FARP1: variants seen among roughly 807,000 people sequenced by gnomAD.
FARP1 encodes FERM, ARH/RhoGEF and pleckstrin domain protein 1, also known as FERM, ARHGEF and pleckstrin domain-containing protein 1.
Under a neutral mutation model 128.8 loss-of-function variants are expected in FARP1, and 52 were observed. The ratio of observed to expected loss-of-function variants is 0.40; its 90% CI spans 0.32 to 0.51. The LOEUF (loss-of-function observed/expected upper bound fraction) is 0.51, where lower values mean the gene tolerates loss of function less well. Ranked by LOEUF, FARP1 falls within the 20% of genes least tolerant of loss-of-function variation. FARP1 has a pLI of 0.45. For missense variants in FARP1, 1,333 were observed against 1,367.9 expected (o/e 0.97, Z 0.40); for synonymous variants, 580 against 551.8 (o/e 1.05, Z -0.72).
intron 1 of FARP1, among the ~76,000 whole-genome samples, chr13:98,164,175 C>T (rs530534632): frequency 5.9e-5 from 9 of 152,242 alleles, no homozygotes; most frequent in South Asian, 2.1e-4. Flanking sequence ...GTGCAGGAAA[C>T]GAAGGACAGA....
At chr13:98,445,865 T>TTG in intron 24 of FARP1, 1 of 431,172 alleles carries the variant, frequency 2.3e-6, no homozygotes, top group Non-Finnish European at 4.2e-6. Context: ...ACGTGTCTTT[T>TTG]GGGGGGACAC....
intron 5 of FARP1, among the ~76,000 whole-genome samples, chr13:98,369,476 T>C (rs944786747): frequency 6.6e-6 from 1 of 151,960 alleles, no homozygotes; most frequent in African/African-American, 2.4e-5. Context: ...TAACTCCTCA[T>C]TTAGCATTAG....
intron 2 of FARP1, chr13:98,333,812 C>T (rs1280210324): frequency 6.6e-6 from 1 of 151,944 alleles, no homozygotes; most frequent in Non-Finnish European, 1.5e-5. Context: ...AGAATGAAAG[C>T]CTTGTTCCAG....
At chr13:98,185,605 A>G (rs566542410) in intron 1 of FARP1, among the ~76,000 whole-genome samples, 5 of 150,934 alleles carry the variant, frequency 3.3e-5, no homozygotes, top group African/African-American at 1.2e-4. Flanking sequence ...TCCTTTAGAA[A>G]CCTTTTAACA....
At chr13:98,251,982 G>A (rs1382028041) in intron 2 of FARP1, among the ~76,000 whole-genome samples, 1 of 151,692 alleles carries the variant, frequency 6.6e-6, no homozygotes, top group Non-Finnish European at 1.5e-5. Flanking sequence ...TGAAGAGCTG[G>A]GATTGCAGGA....
intron 26 of FARP1, chr13:98,448,023 C>A (rs1892963410): frequency 1.7e-6 from 1 of 586,528 alleles, no homozygotes; most frequent in Non-Finnish European, 3.1e-6. Context: ...CAAGGTACTT[C>A]CAGCTCCACA....
chr13:98,313,207 C>G (rs1886561714), intron 2 of FARP1, among the ~76,000 whole-genome samples: 1 of 145,362 alleles, frequency 6.9e-6, no homozygotes, highest in African/African-American at 2.6e-5. Context: ...ATAATACACA[C>G]ACACACATAC....
At chr13:98,364,978 C>T (rs946195987) in intron 3 of FARP1, among the ~76,000 whole-genome samples, 8 of 152,284 alleles carry the variant, frequency 5.3e-5, no homozygotes, top group African/African-American at 1.2e-4. Flanking sequence ...ATTCCCTTTC[C>T]GCATCCCTCA....
At chr13:98,193,633 G>C (rs191801171) in intron 1 of FARP1, among the ~76,000 whole-genome samples, 9 of 152,242 alleles carry the variant, frequency 5.9e-5, no homozygotes, top group Admixed American at 5.9e-4. Context: ...AACTCTTTGG[G>C]CACATTCTTC....
intron 2 of FARP1, among the ~76,000 whole-genome samples, chr13:98,253,675 A>G (rs1210147205): frequency 6.6e-6 from 1 of 152,218 alleles, no homozygotes; most frequent in Admixed American, 6.5e-5. Flanking sequence ...CCAAGGTCGC[A>G]CCGCTAAGTC....
At chr13:98,370,568 G>T (rs1889283248) in intron 5 of FARP1, among the ~76,000 whole-genome samples, 1 of 140,726 alleles carries the variant, frequency 7.1e-6, no homozygotes, top group Non-Finnish European at 1.5e-5. Flanking sequence ...TTTTTGGCTT[G>T]AGTGACTGGG....
intron 2 of FARP1, among the ~76,000 whole-genome samples, chr13:98,296,437 C>T (rs1885692555): frequency 6.6e-6 from 1 of 152,084 alleles, no homozygotes; most frequent in Non-Finnish European, 1.5e-5. Flanking sequence ...TGCTTCTCCC[C>T]TTGTAGAAAC....
chr13:98,183,525 G>A (rs1878664770), intron 1 of FARP1, among the ~76,000 whole-genome samples: 1 of 152,206 alleles, frequency 6.6e-6, no homozygotes, highest in African/African-American at 2.4e-5. Flanking sequence ...AAGGGTCCAC[G>A]CTTGGACGAA....
At chr13:98,233,763 A>T (rs1882274070) in intron 2 of FARP1, 1 of 152,150 alleles carries the variant, frequency 6.6e-6, no homozygotes, top group Non-Finnish European at 1.5e-5. Context: ...ATGACATGGG[A>T]TTCTGACTTT....
intron 3 of FARP1, among the ~76,000 whole-genome samples, chr13:98,346,645 T>A (rs565690862): frequency 6.6e-6 from 1 of 152,148 alleles, no homozygotes; most frequent in East Asian, 2.0e-4. Flanking sequence ...CTCAGGAAGC[T>A]GAGGCAGGAG....
At chr13:98,280,320 C>T (rs1884870075) in intron 2 of FARP1, among the ~76,000 whole-genome samples, 2 of 152,244 alleles carry the variant, frequency 1.3e-5, no homozygotes, top group Non-Finnish European at 2.9e-5. Context: ...GCCCCGAGCC[C>T]CCACGGGAAA....
At chr13:98,185,439 G>A (rs561535750) in intron 1 of FARP1, among the ~76,000 whole-genome samples, 1 of 152,222 alleles carries the variant, frequency 6.6e-6, no homozygotes, top group African/African-American at 2.4e-5. Context: ...TTATGTTGGG[G>A]GGGCTTCCTT....
chr13:98,315,317 A>G (rs1886672555), intron 2 of FARP1, among the ~76,000 whole-genome samples: 1 of 152,038 alleles, frequency 6.6e-6, no homozygotes, highest in Non-Finnish European at 1.5e-5. Flanking sequence ...ATATTGCCCA[A>G]GCTGTCTCGA....
At chr13:98,171,751 C>G (rs1877665830) in intron 1 of FARP1, among the ~76,000 whole-genome samples, 1 of 152,124 alleles carries the variant, frequency 6.6e-6, no homozygotes, top group Admixed American at 6.5e-5. Flanking sequence ...CAGATATTCA[C>G]AGATTAGTCT....
Sources: allele counts gnomAD v4.1 joint callset (sites outside exome capture counted in the v4.1 genomes callset), GRCh38; gene constraint gnomAD v4.1.1; transcripts MANE v1.5; gene names NCBI Gene and HGNC (gene_info 2026-07-23, HGNC 2026-07-21).